The following ARFIP2 variants were observed in gnomAD, a reference collection of about 807,000 sequenced individuals.
ARFIP2 encodes arfaptin-2.
A neutral mutation model predicts 39.2 loss-of-function variants in ARFIP2; 14 were observed. That is an observed-to-expected ratio of 0.36 (90% CI 0.24 to 0.56). ARFIP2 has a LOEUF of 0.56. Ranked by LOEUF, ARFIP2 falls within the 20% of genes least tolerant of loss-of-function variation. The probability of loss-of-function intolerance (pLI) is 0.85; values close to 1 mark genes in which losing one functional copy is unlikely to be tolerated. For synonymous variants in ARFIP2, 167 were observed against 172.4 expected (o/e 0.97, Z 0.24); for missense variants, 305 against 422.5 (o/e 0.72, Z 2.44).
intron 1 of ARFIP2, chr11:6,480,779 G>A (rs1391989427): frequency 4.8e-6 from 1 of 209,718 alleles, no homozygotes; most frequent in Admixed American, 5.2e-5. Context: ...CAACAGTGAA[G>A]AGGGAAAGTC....
At position 6,480,630 on chromosome 11, in the gene ARFIP2, A is replaced by C. The variant is rs1851641251; in HGVS notation, c.-42-167T>G. 5.9e-6 allele frequency: 3 copies of C among 504,310 alleles called. No homozygotes were observed. The East Asian group carries it at 1.0e-4, about 18-fold the overall frequency. 31.2% of individuals were successfully genotyped at this position (504,310 alleles called of 1,614,324 possible). A position where few individuals can be genotyped will look rare whatever the true frequency, so the allele number is the denominator to read the frequency against. On this transcript the variant is annotated intron_variant, in intron 1 of 7. Coordinates refer to ENST00000396777, the MANE Select transcript of ARFIP2 (RefSeq NM_001376558.2). ...TTCTCCCCTCCAAAACGCACATTTG[A>C]AACAGGCACACCAAAGCACGGTGTC...
Position 6,478,482 on chromosome 11 carries a change from A to G in ARFIP2, c.537+256T>C. 1 of 1,233,678 alleles carries G rather than the reference A, an allele frequency of 8.1e-7. No individual in the cohort carries two copies. The highest frequency in any genetic ancestry group is 1.1e-6 in the Non-Finnish European group (1 of 916,396). 76.4% of individuals were successfully genotyped at this position (1,233,678 alleles called of 1,614,324 possible). ...GGGAGGGGCTCTGATTAGGCTGAGCACGAAGGCATTCTCCCCAGTGCAGAG... is the reference window on the plus strand; with the variant it reads ...GGGAGGGGCTCTGATTAGGCTGAGCGCGAAGGCATTCTCCCCAGTGCAGAG... On this transcript the variant is annotated intron_variant, in intron 5 of 7. Coordinates refer to ENST00000396777, the MANE Select transcript of ARFIP2 (RefSeq NM_001376558.2). This position sits in a 1 kb window ranked among gnomAD's most constrained non-coding sequence, Gnocchi z 4.8.
intron 2 of ARFIP2, 93 bp from the exon 3 acceptor site, chr11:6,480,161 G>C: frequency 7.6e-7 from 1 of 1,320,772 alleles, no homozygotes; most frequent in South Asian, 1.2e-5. Flanking sequence ...GCATCATAAA[G>C]ATAGTACACA....
rs1851321941 is a variant in ARFIP2, at chr11:6,478,341, T to C, written c.538-143A>G. 8.7e-7 allele frequency: 1 copy of C among 1,155,474 alleles called. No homozygotes were observed. Among genetic ancestry groups the C allele is most frequent in the Admixed American group, 2.3e-5 (1 of 42,576 alleles). 71.6% of individuals were successfully genotyped at this position (1,155,474 alleles called of 1,614,324 possible). On this transcript the variant is annotated intron_variant, in intron 5 of 7. Transcript: ENST00000396777. This position sits in a 1 kb window ranked among gnomAD's most constrained non-coding sequence, Gnocchi z 4.8. ...AGGACTGCCTCCAGCAAGGCTCTCT[T>C]AGCCGGAAAGTTAGTGGGATCACCC...
chr11:6,476,822 G>A lies in ARFIP2; in HGVS notation c.*291C>T, dbSNP rs1851118442. On this transcript the variant is annotated 3_prime_UTR_variant, in exon 8 of 8. Coordinates refer to ENST00000396777, the MANE Select transcript of ARFIP2 (RefSeq NM_001376558.2). ...GGGAGCACACCCCAGCCTGAAGAGT[G>A]ATGCCATTGGCCAGGGAGTGGTTTT... 2.8e-6 allele frequency: 1 copy of A among 359,480 alleles called. No homozygotes were observed. Among genetic ancestry groups the A allele is most frequent in the Non-Finnish European group, 5.1e-6 (1 of 194,348 alleles). The allele number at this position is 359,480 out of a possible 1,614,324, so 22.3% of individuals were successfully genotyped here.
intron 2 of ARFIP2, 68 bp from the exon 3 acceptor site, chr11:6,480,136 C>G: frequency 6.9e-7 from 1 of 1,445,242 alleles, no homozygotes. Context: ...GAGGTGGGAA[C>G]AAGTTTGGAT....
chr11:6,480,209 G>T, intron 2 of ARFIP2, 114 bp downstream of exon 2: 1 of 1,284,438 alleles, frequency 7.8e-7, no homozygotes, highest in Non-Finnish European at 1.1e-6. Context: ...TACGTAAAAA[G>T]AATGAAGGGA....
intron 3 of ARFIP2, 164 bp from the exon 4 acceptor site, chr11:6,479,422 G>T: frequency 7.0e-7 from 1 of 1,427,494 alleles, no homozygotes; most frequent in African/African-American, 1.4e-5. Context: ...ACTTTGCGCG[G>T]TGAGAACCAA....
Position 6,476,936 on chromosome 11 carries a change from C to T in ARFIP2, c.*177G>A, listed in dbSNP as rs1851134762. On this transcript the variant is annotated 3_prime_UTR_variant, in exon 8 of 8. Transcript: ENST00000396777. ...GATAGACAGGGCAGCAACTTCTGGG[C>T]CTCCAGGCCCTCTTCCCACCATAGC... is the stretch of plus-strand genomic sequence containing the variant. 6.0e-6 allele frequency: 4 copies of T among 662,948 alleles called. No individual in the cohort carries two copies. Among genetic ancestry groups the T allele is most frequent in the Non-Finnish European group, 7.3e-6 (3 of 409,442 alleles). The allele number at this position is 662,948 out of a possible 1,614,324, so 41.1% of individuals were successfully genotyped here.
At position 6,477,619 on chromosome 11, in the gene ARFIP2, T is replaced by C; in HGVS notation, c.870+99A>G. ...GGGGGTGAACACTCTACTCCCCAGCTAGGCTGCATTTCCTCATTCAATAAT... is the reference window on the plus strand; with the variant it reads ...GGGGGTGAACACTCTACTCCCCAGCCAGGCTGCATTTCCTCATTCAATAAT... On this transcript the variant is annotated intron_variant, in intron 7 of 7. Coordinates refer to ENST00000396777, the MANE Select transcript of ARFIP2 (RefSeq NM_001376558.2). The surrounding 1 kb of genome is among the most constrained non-coding windows in gnomAD (Gnocchi z 4.8). 9 of 1,382,880 alleles carry C rather than the reference T, an allele frequency of 6.5e-6. No individual in the cohort carries two copies. The South Asian group carries it at 1.1e-4, about 17-fold the overall frequency. The allele number at this position is 1,382,880 out of a possible 1,614,324, so 85.7% of individuals were successfully genotyped here. A position where few individuals can be genotyped will look rare whatever the true frequency, so the allele number is the denominator to read the frequency against.
Position 6,477,644 on chromosome 11 carries a change from T to C in ARFIP2, c.870+74A>G. The C allele has an allele frequency of 2.0e-6, 3 of 1,526,364 alleles. No individual in the cohort carries two copies. The highest frequency in any genetic ancestry group is 2.2e-4 in the Middle Eastern group (1 of 4,550). 94.6% of individuals were successfully genotyped at this position (1,526,364 alleles called of 1,614,324 possible). A position where few individuals can be genotyped will look rare whatever the true frequency, so the allele number is the denominator to read the frequency against. Reference sequence around the variant, plus strand: ...TAGGCTGCATTTCCTCATTCAATAATGGGGAGGGTCTGAGGGGAAGGTTAG... The same window carrying C: ...TAGGCTGCATTTCCTCATTCAATAACGGGGAGGGTCTGAGGGGAAGGTTAG... On this transcript the variant is annotated intron_variant, in intron 7 of 7. Coordinates refer to ENST00000396777, the MANE Select transcript of ARFIP2 (RefSeq NM_001376558.2). The surrounding 1 kb of genome is among the most constrained non-coding windows in gnomAD (Gnocchi z 4.8).
chr11:6,476,913 TAGAC>T lies in ARFIP2; in HGVS notation c.*196_*199del. On this transcript the variant is annotated 3_prime_UTR_variant, in exon 8 of 8. Transcript: ENST00000396777. ...GAATGAAGCCCTGTGGCCAGGAAGA[TAGAC>T]AGGGCAGCAACTTCTGGGCCTCCAG... is the stretch of plus-strand genomic sequence containing the variant. 1.8e-6 allele frequency: 1 copy of T among 565,364 alleles called. No homozygotes were observed. The highest frequency in any genetic ancestry group is 3.0e-6 in the Non-Finnish European group (1 of 328,132). The allele number at this position is 565,364 out of a possible 1,614,324, so 35.0% of individuals were successfully genotyped here.
chr11:6,479,457 T>G, intron 3 of ARFIP2, 199 bp from the exon 4 acceptor site: 1 of 1,021,062 alleles, frequency 9.8e-7, no homozygotes, highest in South Asian at 1.6e-5. Flanking sequence ...ATGGCCTCCT[T>G]GGGGGTTAGA....
Position 6,477,568 on chromosome 11 carries a change from G to A in ARFIP2, c.870+150C>T. 1 of 902,972 alleles carries A rather than the reference G, an allele frequency of 1.1e-6. No homozygotes were observed. Among genetic ancestry groups the A allele is most frequent in the Non-Finnish European group, 1.6e-6 (1 of 610,818 alleles). The allele number at this position is 902,972 out of a possible 1,614,324, so 55.9% of individuals were successfully genotyped here. A position where few individuals can be genotyped will look rare whatever the true frequency, so the allele number is the denominator to read the frequency against. ...GAAAGGGCCAGGAATTGGAGGGAGG[G>A]TGATCTGGAAAGGCCCAGGGGTTGA... is the stretch of plus-strand genomic sequence containing the variant. On this transcript the variant is annotated intron_variant, in intron 7 of 7. Coordinates refer to ENST00000396777, the MANE Select transcript of ARFIP2 (RefSeq NM_001376558.2). The surrounding 1 kb of genome is among the most constrained non-coding windows in gnomAD (Gnocchi z 4.8).
rs16913975 is a variant in ARFIP2 at position 6,477,972 on chromosome 11, C to A, written c.695+69G>T. The A allele has an allele frequency of 8.3e-3, 13,254 of 1,604,300 alleles. 404 individuals are homozygous for A. The highest frequency in any genetic ancestry group is 0.078 in the African/African-American group (5,822 of 74,616). On this transcript the variant is annotated intron_variant, in intron 6 of 7. Coordinates refer to ENST00000396777, the MANE Select transcript of ARFIP2 (RefSeq NM_001376558.2). The surrounding 1 kb of genome is among the most constrained non-coding windows in gnomAD (Gnocchi z 4.8). The stretch of plus-strand genomic sequence containing the variant: ...CTCCTTTCCTTCCTGAATTCTTATG[C>A]CCCTAATGCCCAAATTTCCACCCAT...
chr11:6,480,936 C>T (rs1156947926), intron 1 of ARFIP2: 1 of 170,986 alleles, frequency 5.8e-6, no homozygotes, highest in African/African-American at 2.4e-5. Flanking sequence ...CCCCTTCCTT[C>T]AGGGGGTCTC....
Position 6,478,165 on chromosome 11 carries a change from G to A in ARFIP2, c.571C>T (p.Leu191=). 6.2e-7 allele frequency: 1 copy of A among 1,614,028 alleles called. No homozygotes were observed. The highest frequency in any genetic ancestry group is 1.1e-5 in the South Asian group (1 of 91,072). ...EFGYNAETQK[L]LCKNGETLLG... ...AGCGTTTCCCCATTCTTGCATAGTA[G>A]TTTCTGTGTCTCTGCATTGTAGCCA... The change falls in exon 6 of 8, where the codon CTA becomes TTA. Residue 191 remains leucine (L), a synonymous_variant. Transcript: ENST00000396777. The surrounding 1 kb of genome is among the most constrained non-coding windows in gnomAD (Gnocchi z 4.8).
In ARFIP2 at chr11:6,480,442, TA is replaced by T. The variant is rs770415737; in HGVS notation, c.-22del. On this transcript the variant is annotated 5_prime_UTR_variant, in exon 2 of 8. Coordinates refer to ENST00000396777, the MANE Select transcript of ARFIP2 (RefSeq NM_001376558.2). ...GTCATGGCTAGGAAAGGTATTGGAG[TA>T]AAACTCTCCACCCCAGCACCCTGCA... The T allele has an allele frequency of 5.0e-6, 8 of 1,587,400 alleles. No individual in the cohort carries two copies. The highest frequency in any genetic ancestry group is 4.3e-6 in the Non-Finnish European group (5 of 1,164,740).
At position 6,478,905 on chromosome 11, in the gene ARFIP2, G is replaced by A. The variant is rs1851405157; in HGVS notation, c.370C>T (p.Leu124=). 6.2e-7 allele frequency: 1 copy of A among 1,614,064 alleles called. No homozygotes were observed. The highest frequency in any genetic ancestry group is 8.5e-7 in the Non-Finnish European group (1 of 1,180,040). The part of the protein sequence containing the change: ...RFGRGSRTVD[L]ELELQIELLR... Reference sequence around the variant, plus strand: ...AACTCAATCTGCAGCTCTAGCTCCAGGTCCACAGTCCGTGAGCCTCGACCA... The same window carrying A: ...AACTCAATCTGCAGCTCTAGCTCCAAGTCCACAGTCCGTGAGCCTCGACCA... Residue 124 remains leucine (L), a synonymous_variant, in exon 5 of 8, where the codon CTG becomes TTG. Coordinates refer to ENST00000396777, the MANE Select transcript of ARFIP2 (RefSeq NM_001376558.2). The surrounding 1 kb of genome is among the most constrained non-coding windows in gnomAD (Gnocchi z 4.8).
Sources: allele counts gnomAD v4.1 joint callset, GRCh38; gene constraint gnomAD v4.1.1; non-coding constraint Gnocchi (gnomAD v3.1); transcripts MANE v1.5; gene names NCBI Gene and HGNC (gene_info 2026-07-23, HGNC 2026-07-21).